LRP5: variants seen among roughly 807,000 people sequenced by gnomAD.
LRP5 encodes the protein LDL receptor related protein 5.
LRP5 carries 62 observed loss-of-function variants against 154.1 expected under a neutral mutation model. The observed-to-expected ratio is 0.40, with a 90% CI of 0.33 to 0.50. The LOEUF (loss-of-function observed/expected upper bound fraction) is 0.50. Among genes scored for constraint, LRP5 ranks in the 20% least tolerant of loss-of-function variants. The pLI is 0.55. For missense variants in LRP5, 1,915 were observed against 2,336.7 expected, an observed-to-expected ratio of 0.82 and a Z score of 3.72; for synonymous variants, 966 against 1,011.5, an observed-to-expected ratio of 0.96 and a Z score of 0.85.
chr11:68,391,536 G>GT (rs2098646342), intron 7 of LRP5, among the ~76,000 whole-genome samples: 3 of 152,340 alleles, frequency 2.0e-5, no homozygotes. Flanking sequence ...GAACACGAGT[G>GT]TGTGTCTGTG....
intron 18 of LRP5, 113 bp downstream of exon 18, chr11:68,433,951 C>A: frequency 1.9e-6 from 2 of 1,031,412 alleles, no homozygotes; most frequent in Non-Finnish European, 2.9e-6. Flanking sequence ...CCTTTGCTTG[C>A]AGGGAGATTG....
chr11:68,375,389 C>G (rs2098636783), intron 5 of LRP5, among the ~76,000 whole-genome samples: 1 of 152,208 alleles, frequency 6.6e-6, no homozygotes, highest in African/African-American at 2.4e-5. Flanking sequence ...ACCGCCTATT[C>G]CAATGGAAAT....
chr11:68,361,799 G>A (rs146686208), intron 3 of LRP5, among the ~76,000 whole-genome samples: 95 of 152,310 alleles, frequency 6.2e-4, no homozygotes, highest in African/African-American at 2.2e-3. Context: ...TCCAGCCTGG[G>A]TGACAGAGCA....
intron 3 of LRP5, among the ~76,000 whole-genome samples, chr11:68,359,472 G>A (rs138844162): frequency 9.0e-4 from 137 of 152,274 alleles, no homozygotes; most frequent in African/African-American, 3.1e-3. Flanking sequence ...GTGGACAAGA[G>A]GATAGAAAGG....
chr11:68,349,119 G>A (rs983649662), intron 2 of LRP5, among the ~76,000 whole-genome samples: 2 of 142,716 alleles, frequency 1.4e-5, no homozygotes, highest in Non-Finnish European at 3.0e-5. Context: ...TGCAACCTTC[G>A]CCTCCCGGGT....
Position 68,353,328 on chromosome 11 carries a change from A to C in LRP5, c.489-4322A>C, listed in dbSNP as rs1358278578. Among the ~76,000 whole-genome samples the C allele has an allele frequency of 6.6e-6, 1 of 152,060 alleles. No individual in the cohort carries two copies. On this transcript the variant is annotated intron_variant, in intron 2 of 22. Coordinates refer to ENST00000294304, the MANE Select transcript of LRP5 (RefSeq NM_002335.4). This position sits in a 1 kb window ranked among gnomAD's most constrained non-coding sequence, Gnocchi z 4.5. ...TCCAGTCATTTGAATGAGAGAGTGA[A>C]AACAGTGAGATGCCGGCTCCCACTC...
chr11:68,348,491 G>T (rs1313169083), intron 2 of LRP5, among the ~76,000 whole-genome samples: 3 of 137,086 alleles, frequency 2.2e-5, no homozygotes, highest in Non-Finnish European at 4.7e-5. Context: ...CCCGTGGGGG[G>T]GTTGGCTCAG....
Position 68,423,584 on chromosome 11 carries a change from G to T in LRP5, c.3123G>T (p.Thr1041=), listed in dbSNP as rs368960282. 6.2e-7 allele frequency: 1 copy of T among 1,614,102 alleles called. No individual in the cohort carries two copies. The highest frequency in any genetic ancestry group is 1.3e-5 in the African/African-American group (1 of 74,942). ...IDIYSRTLFW[T]CEATNTINVH... ...TCTACAGCCGGACACTGTTCTGGAC[G>T]TGCGAGGCCACCAATACCATCAACG... Residue 1041 remains threonine, a synonymous_variant, in exon 14 of 23, where the codon ACG becomes ACT. Transcript: ENST00000294304. The surrounding 1 kb of genome is among the most constrained non-coding windows in gnomAD (Gnocchi z 4.7).
rs370653698 is a variant in LRP5, at chr11:68,372,716, C to T, written c.1015+7014C>T. Among the ~76,000 whole-genome samples, 12 of 152,138 alleles carry T rather than the reference C, an allele frequency of 7.9e-5. No individual in the cohort carries two copies. In the East Asian group the frequency reaches 9.7e-4, roughly 12 times the overall value. Reference sequence around the variant, plus strand: ...GCTGTCTGGGTCAGTGCCGAGGGAGCGAGTCTTCCTTCGGCGGTTGTAATC... The same window carrying T: ...GCTGTCTGGGTCAGTGCCGAGGGAGTGAGTCTTCCTTCGGCGGTTGTAATC... On this transcript the variant is annotated intron_variant, in intron 5 of 22. Coordinates refer to ENST00000294304, the MANE Select transcript of LRP5 (RefSeq NM_002335.4).
chr11:68,356,396 C>T (rs1246793586), intron 2 of LRP5, among the ~76,000 whole-genome samples: 3 of 152,084 alleles, frequency 2.0e-5, no homozygotes, highest in East Asian at 1.9e-4. Context: ...CTCAGCCTCC[C>T]GAAGTACTGG....
chr11:68,318,347 CTTT>C (rs777922038), intron 1 of LRP5, among the ~76,000 whole-genome samples: 2 of 127,774 alleles, frequency 1.6e-5, no homozygotes. Flanking sequence ...ACCCGGCCTG[CTTT>C]TTTTTTTTTT....
chr11:68,348,607 G>C (rs536517777), intron 2 of LRP5, among the ~76,000 whole-genome samples: 1 of 147,816 alleles, frequency 6.8e-6, no homozygotes, highest in Non-Finnish European at 1.5e-5. Context: ...TGAACCCGTG[G>C]GGGGGTTGGC....
At chr11:68,437,713 C>T (rs2098675799) in intron 19 of LRP5, among the ~76,000 whole-genome samples, 1 of 152,234 alleles carries the variant, frequency 6.6e-6, no homozygotes, top group Non-Finnish European at 1.5e-5. Flanking sequence ...ACTCCCTGTG[C>T]CCTTTGGCAC....
intron 13 of LRP5, among the ~76,000 whole-genome samples, chr11:68,422,516 C>T (rs911649504): frequency 2.6e-5 from 4 of 152,198 alleles, no homozygotes; most frequent in Non-Finnish European, 4.4e-5. Flanking sequence ...CCTCCTACGT[C>T]AGCTCAGTAA....
chr11:68,425,385 G>A, intron 15 of LRP5, 93 bp downstream of exon 15: 1 of 1,293,890 alleles, frequency 7.7e-7, no homozygotes, highest in East Asian at 2.5e-5. Context: ...CCTGCCGTGA[G>A]CCCAGTGCCG....
intron 7 of LRP5, among the ~76,000 whole-genome samples, chr11:68,401,545 T>C (rs1716002062): frequency 6.6e-6 from 1 of 152,216 alleles, no homozygotes; most frequent in Non-Finnish European, 1.5e-5. Flanking sequence ...GCCACTGGGC[T>C]AATCTGAGCC....
chr11:68,354,810 C>T (rs2098621801), intron 2 of LRP5, among the ~76,000 whole-genome samples: 1 of 152,204 alleles, frequency 6.6e-6, no homozygotes, highest in Non-Finnish European at 1.5e-5. Flanking sequence ...ATGGGAATAG[C>T]AATTCCCACC....
chr11:68,407,792 A>T (rs967307892), intron 9 of LRP5, among the ~76,000 whole-genome samples: 1 of 152,030 alleles, frequency 6.6e-6, no homozygotes, highest in Non-Finnish European at 1.5e-5. Context: ...GGTTGTGGTG[A>T]GCTGAGATGG....
At chr11:68,314,515 G>A (rs1458613049) in intron 1 of LRP5, among the ~76,000 whole-genome samples, 4 of 152,218 alleles carry the variant, frequency 2.6e-5, no homozygotes, top group Admixed American at 2.6e-4. Flanking sequence ...TACATGCCTC[G>A]GACCTCAGCG....
Sources: gnomAD v4.1 joint callset for allele counts (sites outside exome capture counted in the v4.1 genomes callset) on GRCh38, gnomAD v4.1.1 for gene constraint, Gnocchi (gnomAD v3.1) non-coding constraint, MANE v1.5 for transcripts, NCBI Gene and HGNC (gene_info 2026-07-23, HGNC 2026-07-21) for gene names.